TTC28: variants seen among roughly 807,000 people sequenced by gnomAD.
TTC28 encodes tetratricopeptide repeat protein 28.
Under a neutral mutation model 198.0 loss-of-function variants are expected in TTC28, and 61 were observed. That is an observed-to-expected ratio of 0.31 (90% CI 0.25 to 0.38). The LOEUF (loss-of-function observed/expected upper bound fraction) is 0.38, where lower values mean the gene tolerates loss of function less well. TTC28 is among the 10% of genes least tolerant of loss of function. The pLI is 1.00. For missense variants in TTC28, 2,678 were observed against 3,164.0 expected, an observed-to-expected ratio of 0.85 and a Z score of 3.69; for synonymous variants, 1,171 against 1,297.8, an observed-to-expected ratio of 0.90 and a Z score of 2.10.
In TTC28 at chr22:28,163,471, G is replaced by A; in HGVS notation, c.1062C>T (p.Ala354=). ...AKQSKDELSE[A]RELGNMGAVY... ...CAGCTCCCATGTTGCCAAGTTCTCG[G>A]GCTTCAGAAAGTTCATCTTTGGATT... Residue 354 remains alanine, a synonymous_variant, in exon 6 of 23, where the codon GCC becomes GCT. Coordinates refer to ENST00000397906, the MANE Select transcript of TTC28 (RefSeq NM_001145418.2). The A allele has an allele frequency of 1.9e-6, 3 of 1,551,666 alleles. No individual in the cohort carries two copies. The highest frequency in any genetic ancestry group is 2.6e-6 in the Non-Finnish European group (3 of 1,147,000).
chr22:28,113,829 T>C (rs956434172), intron 6 of TTC28, among the ~76,000 whole-genome samples: 3 of 152,212 alleles, frequency 2.0e-5, no homozygotes, highest in East Asian at 1.9e-4. Context: ...TTCATGAACA[T>C]TTCAATAATG....
At chr22:28,307,632 T>G (rs1166459187) in intron 2 of TTC28, among the ~76,000 whole-genome samples, 1 of 152,178 alleles carries the variant, frequency 6.6e-6, no homozygotes, top group African/African-American at 2.4e-5. Context: ...AAAGTGTTAC[T>G]TGTATACAAC....
At position 28,625,598 on chromosome 22, in the gene TTC28, A is replaced by G. The variant is rs577747039; in HGVS notation, c.381+3954T>C. 2.8e-4 allele frequency among the ~76,000 whole-genome samples: 43 copies of G among 152,326 alleles called. No homozygotes were observed. In the South Asian group the frequency reaches 7.0e-3, roughly 25 times the overall value. ...ATGTTCATGGATTCAAAGACTCAAT[A>G]ACATTAAGATGGCATTTCTCTCCAA... On this transcript the variant is annotated intron_variant, in intron 2 of 22. Coordinates refer to ENST00000397906, the MANE Select transcript of TTC28 (RefSeq NM_001145418.2).
At chr22:28,297,874 A>C in intron 3 of TTC28, 22 bp from the exon 4 acceptor site, 1 of 1,549,160 alleles carries the variant, frequency 6.5e-7, no homozygotes, top group Non-Finnish European at 8.7e-7. Context: ...CAACAATAAC[A>C]GCAACATAAC....
chr22:28,267,778 T>C (rs1049114381), intron 5 of TTC28, among the ~76,000 whole-genome samples: 1 of 152,162 alleles, frequency 6.6e-6, no homozygotes, highest in Non-Finnish European at 1.5e-5. Context: ...GCCAATAATA[T>C]CAATTAGAAC....
At position 28,625,664 on chromosome 22, in the gene TTC28, G is replaced by GA. The variant is rs1292199136; in HGVS notation, c.381+3887_381+3888insT. On this transcript the variant is annotated intron_variant, in intron 2 of 22. Transcript: ENST00000397906. ...TGTAAGCCCATTAATTTCCAGAAAG[G>GA]TTTTTTGAAGAAATTGATAAGCTGA... is the stretch of plus-strand genomic sequence containing the variant. Among the ~76,000 whole-genome samples the GA allele has an allele frequency of 2.6e-5, 4 of 152,068 alleles. No individual in the cohort carries two copies. In the East Asian group the frequency reaches 7.7e-4, roughly 29 times the overall value.
intron 5 of TTC28, among the ~76,000 whole-genome samples, chr22:28,186,819 G>T (rs1391849475): frequency 6.6e-6 from 1 of 152,170 alleles, no homozygotes. Context: ...GAAGGCAGAG[G>T]TGAGGTGCTG....
chr22:28,569,155 T>A (rs766317210), intron 2 of TTC28, among the ~76,000 whole-genome samples: 49 of 58,010 alleles, frequency 8.4e-4, no homozygotes, highest in Non-Finnish European at 1.7e-3. Flanking sequence ...CTGTCTCAAA[T>A]AAATAAATAA....
At chr22:28,043,242 CAAAAAAAAAAAAAAAAA>C (rs11362041) in intron 12 of TTC28, among the ~76,000 whole-genome samples, 1 of 65,578 alleles carries the variant, frequency 1.5e-5, no homozygotes, top group African/African-American at 6.1e-5. Context: ...GACTCCATCT[CAAAAAAAAAAAAAAAAA>C]AAAAAAAAAA....
intron 2 of TTC28, among the ~76,000 whole-genome samples, chr22:28,395,393 A>G (rs1157602471): frequency 6.6e-6 from 1 of 151,994 alleles, no homozygotes; most frequent in African/African-American, 2.4e-5. Context: ...AACAGCAATA[A>G]CTGGCCGAGG....
chr22:27,989,640 G>T (rs1265901112), intron 21 of TTC28, among the ~76,000 whole-genome samples: 5 of 151,980 alleles, frequency 3.3e-5, no homozygotes, highest in African/African-American at 7.3e-5. Flanking sequence ...TAGAGATGGG[G>T]TCTCCCTGTG....
At chr22:28,447,511 C>G (rs750857263) in intron 2 of TTC28, among the ~76,000 whole-genome samples, 5 of 152,206 alleles carry the variant, frequency 3.3e-5, no homozygotes, top group Non-Finnish European at 7.3e-5. Context: ...CTGATTTAAA[C>G]CACTCAAGGC....
intron 2 of TTC28, among the ~76,000 whole-genome samples, chr22:28,356,677 C>A (rs2046081513): frequency 1.3e-5 from 2 of 152,132 alleles, no homozygotes; most frequent in Admixed American, 1.3e-4. Flanking sequence ...CATTTTGTGT[C>A]CAAACCCAAG....
chr22:28,629,577 C>G lies in TTC28; in HGVS notation c.356G>C (p.Arg119Pro), dbSNP rs1313388771. 3.2e-6 allele frequency: 5 copies of G among 1,551,088 alleles called. No individual in the cohort carries two copies. The South Asian group carries it at 4.8e-5, about 15-fold the overall frequency. ...DKALDDAIKA[R>P]LLNPKWPKAY... ...CTTTGGCCACTTGGGATTGAGAAGT[C>G]GAGCTTTGATTGCATCATCCAGTGC... The change falls in exon 2 of 23, where the codon CGA becomes CCA. Residue 119 changes from arginine (R) to proline (P), a missense_variant. Transcript: ENST00000397906.
intron 12 of TTC28, among the ~76,000 whole-genome samples, chr22:28,068,759 A>G (rs969499002): frequency 2.6e-5 from 4 of 152,166 alleles, no homozygotes; most frequent in African/African-American, 9.6e-5. Context: ...TTCTTTCATG[A>G]TGTGGCTTGA....
chr22:28,086,517 T>C (rs1260884770), intron 12 of TTC28, among the ~76,000 whole-genome samples: 1 of 152,104 alleles, frequency 6.6e-6, no homozygotes, highest in East Asian at 1.9e-4. Flanking sequence ...CAAAGCAGTG[T>C]GTAGAGGGAC....
chr22:28,193,268 C>T (rs562920009), intron 5 of TTC28, among the ~76,000 whole-genome samples: 1 of 152,176 alleles, frequency 6.6e-6, no homozygotes, highest in Non-Finnish European at 1.5e-5. Context: ...GCCTGCCTTA[C>T]AAGAGCTCCT....
At chr22:28,499,931 ATGT>A (rs1422287909) in intron 2 of TTC28, among the ~76,000 whole-genome samples, 1 of 152,168 alleles carries the variant, frequency 6.6e-6, no homozygotes, top group East Asian at 1.9e-4. Flanking sequence ...TCATTTCTTC[ATGT>A]TGTGAACAGT....
intron 5 of TTC28, among the ~76,000 whole-genome samples, chr22:28,245,006 T>A (rs971908915): frequency 3.9e-5 from 6 of 152,144 alleles, no homozygotes; most frequent in Non-Finnish European, 7.4e-5. Context: ...AGTAGAAACA[T>A]TATGTATTCA....
Sources: allele counts gnomAD v4.1 joint callset (sites outside exome capture counted in the v4.1 genomes callset), GRCh38; gene constraint gnomAD v4.1.1; transcripts MANE v1.5; gene names NCBI Gene and HGNC (gene_info 2026-07-23, HGNC 2026-07-21).